LEPROT: variants seen among roughly 807,000 people sequenced by gnomAD.
The protein encoded by LEPROT is leptin receptor overlapping transcript.
Under a neutral mutation model 15.4 loss-of-function variants are expected in LEPROT, and 3 were observed. The observed-to-expected ratio is 0.19, with a 90% confidence interval of 0.09 to 0.50. The LOEUF is 0.50. LEPROT is among the 20% of genes least tolerant of loss of function. LEPROT has a pLI of 0.97. For missense variants in LEPROT, 137 were observed against 162.2 expected (o/e 0.84, Z 0.84); for synonymous variants, 59 against 57.5 (o/e 1.03, Z -0.12).
intron 2 of LEPROT, among the ~76,000 whole-genome samples, chr1:65,427,297 GC>G (rs1179589746): frequency 6.6e-6 from 1 of 152,166 alleles, no homozygotes; most frequent in Admixed American, 6.5e-5. Context: ...ACAGAGCCCG[GC>G]CGTGGTGGCT....
chr1:65,426,753 C>A (rs912113289), intron 2 of LEPROT, among the ~76,000 whole-genome samples: 1 of 152,130 alleles, frequency 6.6e-6, no homozygotes, highest in Admixed American at 6.6e-5. Context: ...AATCCCAGCA[C>A]TTTGGGAGGC....
At chr1:65,422,933 G>T (rs1158509821) in intron 1 of LEPROT, among the ~76,000 whole-genome samples, 1 of 152,162 alleles carries the variant, frequency 6.6e-6, no homozygotes, top group African/African-American at 2.4e-5. Flanking sequence ...GATTGGAAGA[G>T]TCACAGAGGC....
intron 2 of LEPROT, among the ~76,000 whole-genome samples, chr1:65,426,703 A>G (rs1022353133): frequency 6.6e-6 from 1 of 152,204 alleles, no homozygotes; most frequent in African/African-American, 2.4e-5. Flanking sequence ...ACTAGATAGA[A>G]GATGATGTGA....
At chr1:65,427,395 G>A (rs1646400264) in intron 2 of LEPROT, among the ~76,000 whole-genome samples, 1 of 152,098 alleles carries the variant, frequency 6.6e-6, no homozygotes, top group African/African-American at 2.4e-5. Context: ...GCAACAAAGT[G>A]AGACCCCATT....
In LEPROT at chr1:65,432,918, A is replaced by G. The variant is rs1646506537; in HGVS notation, c.*999A>G. 1.1e-6 allele frequency: 1 copy of G among 944,208 alleles called. No homozygotes were observed. The highest frequency in any genetic ancestry group is 1.3e-6 in the Non-Finnish European group (1 of 792,460). The allele number at this position is 944,208 out of a possible 1,614,324, so 58.5% of individuals were successfully genotyped here. ...ACCGTATTGTACCCTATAAAAATAT[A>G]CAATAATTTGTCAATATATAATCAA... On this transcript the variant is annotated 3_prime_UTR_variant, in exon 4 of 4. Coordinates refer to ENST00000371065, the MANE Select transcript of LEPROT (RefSeq NM_017526.5).
At position 65,433,744 on chromosome 1, in the gene LEPROT, G is replaced by A. The variant is rs1646520379; in HGVS notation, c.*1825G>A. ...TTTAGATACTTTATAATTTTAACCG[G>A]CATTTTTAATAATGACACTTGCATT... is the stretch of plus-strand genomic sequence containing the variant. On this transcript the variant is annotated 3_prime_UTR_variant, in exon 4 of 4. Transcript: ENST00000371065. The A allele has an allele frequency of 2.2e-6, 2 of 918,008 alleles. No homozygotes were observed. Among genetic ancestry groups the A allele is most frequent in the Non-Finnish European group, 2.6e-6 (2 of 769,026 alleles). 56.9% of individuals were successfully genotyped at this position (918,008 alleles called of 1,614,324 possible).
In LEPROT at chr1:65,434,497, A is replaced by G; in HGVS notation, c.*2578A>G. Reference sequence around the variant, plus strand: ...TTTGAGACACTTTTCCACAGAAACAATACTATGAATTGGTGATTGAGTTCC... The same window carrying G: ...TTTGAGACACTTTTCCACAGAAACAGTACTATGAATTGGTGATTGAGTTCC... On this transcript the variant is annotated 3_prime_UTR_variant, in exon 4 of 4. Coordinates refer to ENST00000371065, the MANE Select transcript of LEPROT (RefSeq NM_017526.5). 1 of 985,266 alleles carries G rather than the reference A, an allele frequency of 1.0e-6. No individual in the cohort carries two copies. The highest frequency in any genetic ancestry group is 1.2e-6 in the Non-Finnish European group (1 of 829,804). 61.0% of individuals were successfully genotyped at this position (985,266 alleles called of 1,614,324 possible). A position where few individuals can be genotyped will look rare whatever the true frequency, so the allele number is the denominator to read the frequency against.
intron 3 of LEPROT, among the ~76,000 whole-genome samples, chr1:65,430,972 G>A (rs1557585444): frequency 6.6e-6 from 1 of 152,174 alleles, no homozygotes; most frequent in South Asian, 2.1e-4. Context: ...TAAGAATGCA[G>A]TATATAGAAT....
At chr1:65,421,223 T>C (rs1646243455) in intron 1 of LEPROT, 1 of 1,231,322 alleles carries the variant, frequency 8.1e-7, no homozygotes, top group African/African-American at 1.5e-5. Flanking sequence ...CGGGCGGGTG[T>C]CAATGGAAAG....
At position 65,435,499 on chromosome 1, in the gene LEPROT, C is replaced by T; in HGVS notation, c.*3580C>T. 3 of 391,282 alleles carry T rather than the reference C, an allele frequency of 7.7e-6. No homozygotes were observed. Among genetic ancestry groups the T allele is most frequent in the Non-Finnish European group, 1.0e-5 (3 of 287,488 alleles). 24.2% of individuals were successfully genotyped at this position (391,282 alleles called of 1,614,324 possible). On this transcript the variant is annotated 3_prime_UTR_variant, in exon 4 of 4. Coordinates refer to ENST00000371065, the MANE Select transcript of LEPROT (RefSeq NM_017526.5). ...TCTCCTGCCTCAGCCTCCCAAGGAG[C>T]TGGGACTACAGGCTCCCGCCACCAC... is the stretch of plus-strand genomic sequence containing the variant.
chr1:65,426,997 C>CAAAAA (rs55809705), intron 2 of LEPROT, among the ~76,000 whole-genome samples: 1 of 137,310 alleles, frequency 7.3e-6, no homozygotes, highest in Non-Finnish European at 1.6e-5. Flanking sequence ...ACTTTGTCTC[C>CAAAAA]AAAAAAAAAA....
chr1:65,433,147 T>A lies in LEPROT; in HGVS notation c.*1228T>A. The A allele has an allele frequency of 2.0e-6, 2 of 985,444 alleles. No homozygotes were observed. Among genetic ancestry groups the A allele is most frequent in the Non-Finnish European group, 2.4e-6 (2 of 829,978 alleles). The allele number at this position is 985,444 out of a possible 1,614,324, so 61.0% of individuals were successfully genotyped here. On this transcript the variant is annotated 3_prime_UTR_variant, in exon 4 of 4. Coordinates refer to ENST00000371065, the MANE Select transcript of LEPROT (RefSeq NM_017526.5). ...CATTTCCTTTATGATCTGGCACTTCTCCCCAGCTCCTTCCCTCTGCCCCCC... is the reference window on the plus strand; with the variant it reads ...CATTTCCTTTATGATCTGGCACTTCACCCCAGCTCCTTCCCTCTGCCCCCC...
At chr1:65,424,768 A>C (rs1253261266) in intron 1 of LEPROT, among the ~76,000 whole-genome samples, 13 of 152,170 alleles carry the variant, frequency 8.5e-5, no homozygotes, top group Admixed American at 6.5e-4. Context: ...ACAGAGGGAG[A>C]GAAACACAGA....
chr1:65,427,022 A>ATG (rs1221265087), intron 2 of LEPROT, among the ~76,000 whole-genome samples: 1 of 151,626 alleles, frequency 6.6e-6, no homozygotes. Context: ...GATGATGATG[A>ATG]TGTGGTTAAG....
At position 65,435,605 on chromosome 1, in the gene LEPROT, G is replaced by T; in HGVS notation, c.*3686G>T. 1 of 732,434 alleles carries T rather than the reference G, an allele frequency of 1.4e-6. No individual in the cohort carries two copies. The highest frequency in any genetic ancestry group is 1.7e-6 in the Non-Finnish European group (1 of 599,178). The allele number at this position is 732,434 out of a possible 1,614,324, so 45.4% of individuals were successfully genotyped here. On this transcript the variant is annotated 3_prime_UTR_variant, in exon 4 of 4. Coordinates refer to ENST00000371065, the MANE Select transcript of LEPROT (RefSeq NM_017526.5). Reference sequence around the variant, plus strand: ...GATGGTCTCGATCTCCTGACCTCATGATCCGCCCGCCTCTGCCTCCCAAAG... The same window carrying T: ...GATGGTCTCGATCTCCTGACCTCATTATCCGCCCGCCTCTGCCTCCCAAAG...
In LEPROT at chr1:65,432,490, A is replaced by G; in HGVS notation, c.*571A>G. 1.7e-6 allele frequency: 1 copy of G among 597,376 alleles called. No individual in the cohort carries two copies. The highest frequency in any genetic ancestry group is 2.1e-6 in the Non-Finnish European group (1 of 475,542). The allele number at this position is 597,376 out of a possible 1,614,324, so 37.0% of individuals were successfully genotyped here. On this transcript the variant is annotated 3_prime_UTR_variant, in exon 4 of 4. Coordinates refer to ENST00000371065, the MANE Select transcript of LEPROT (RefSeq NM_017526.5). ...TGAGAAGCATCATCATAGAGAAGTA[A>G]ACATCACACCCAACTTCCTTATCTT... is the stretch of plus-strand genomic sequence containing the variant.
chr1:65,425,473 T>C, intron 2 of LEPROT, 95 bp downstream of exon 2: 1 of 1,057,498 alleles, frequency 9.5e-7, no homozygotes, highest in Non-Finnish European at 1.4e-6. Context: ...AGCACCAAGT[T>C]CTAACCAGTG....
chr1:65,420,844 ACCAC>A, intron 1 of LEPROT, 104 bp downstream of exon 1: 13 of 1,354,636 alleles, frequency 9.6e-6, no homozygotes, highest in Non-Finnish European at 1.2e-5. Context: ...GAACGGCCTC[ACCAC>A]CCTTCCCGCC....
chr1:65,432,913 A>G lies in LEPROT; in HGVS notation c.*994A>G. On this transcript the variant is annotated 3_prime_UTR_variant, in exon 4 of 4. Transcript: ENST00000371065. ...ATAAAACCGTATTGTACCCTATAAA[A>G]ATATACAATAATTTGTCAATATATA... The G allele has an allele frequency of 1.1e-6, 1 of 940,986 alleles. No homozygotes were observed. The allele number at this position is 940,986 out of a possible 1,614,324, so 58.3% of individuals were successfully genotyped here.
Sources: allele counts gnomAD v4.1 joint callset (sites outside exome capture counted in the v4.1 genomes callset), GRCh38; gene constraint gnomAD v4.1.1; transcripts MANE v1.5; gene names NCBI Gene and HGNC (gene_info 2026-07-23, HGNC 2026-07-21).